EFL1: variants seen among roughly 807,000 people sequenced by gnomAD.
The protein encoded by EFL1 is elongation factor-like GTPase 1.
EFL1 carries 76 observed loss-of-function variants against 126.7 expected under a neutral mutation model. That is an observed-to-expected ratio of 0.60 (90% CI 0.50 to 0.73). The LOEUF is 0.73. Among genes scored for constraint, EFL1 ranks in the 30% least tolerant of loss-of-function variants. The pLI is 0.00. For synonymous variants in EFL1, 410 were observed against 448.4 expected (o/e 0.91, Z 1.08); for missense variants, 1,128 against 1,343.2 (o/e 0.84, Z 2.50).
chr15:82,173,221 G>T lies in EFL1; in HGVS notation c.1751-9237C>A, dbSNP rs1209260513. Among the ~76,000 whole-genome samples, 8 of 152,046 alleles carry T rather than the reference G, an allele frequency of 5.3e-5. No individual in the cohort carries two copies. In the East Asian group the frequency reaches 1.5e-3, roughly 29 times the overall value. ...AAAAAAATCTGTAAAACATAAAACA[G>T]TACAATAATAGCATGTTACAGAAGG... On this transcript the variant is annotated intron_variant, in intron 15 of 19. Transcript: ENST00000268206.
chr15:82,211,593 T>TAAACACACACAC, intron 15 of EFL1, among the ~76,000 whole-genome samples: 1 of 54,522 alleles, frequency 1.8e-5, no homozygotes, highest in African/African-American at 1.8e-4. Flanking sequence ...AGACACATAC[T>TAAACACACACAC]AGACACACAC....
At chr15:82,224,631 T>C (rs1193248281) in intron 12 of EFL1, among the ~76,000 whole-genome samples, 2 of 152,036 alleles carry the variant, frequency 1.3e-5, no homozygotes, top group Non-Finnish European at 2.9e-5. Flanking sequence ...CAAGAGATGA[T>C]CAGAATCTAA....
chr15:82,132,681 T>G (rs1355930724), intron 19 of EFL1, among the ~76,000 whole-genome samples: 14 of 43,012 alleles, frequency 3.3e-4, no homozygotes, highest in South Asian at 2.4e-3. Flanking sequence ...GTCCAGGAAT[T>G]GGGGGGGGGG....
chr15:82,219,736 A>C lies in EFL1; in HGVS notation c.1527T>G (p.Ala509=), dbSNP rs1196927945. ...ENNQESFIAF[A]RVFSGVARRG... Reference sequence around the variant, plus strand: ...TTCGAGCCACACCACTGAACACCCGAGCAAATGCAATAAAAGACTCTTGGT... The same window carrying C: ...TTCGAGCCACACCACTGAACACCCGCGCAAATGCAATAAAAGACTCTTGGT... The change falls in exon 14 of 20, where the codon GCT becomes GCG. Residue 509 remains alanine, a synonymous_variant. Coordinates refer to ENST00000268206, the MANE Select transcript of EFL1 (RefSeq NM_024580.6). 1 of 1,614,096 alleles carries C rather than the reference A, an allele frequency of 6.2e-7. No individual in the cohort carries two copies. Among genetic ancestry groups the C allele is most frequent in the South Asian group, 1.1e-5 (1 of 91,078 alleles).
chr15:82,155,138 C>T (rs185563098), intron 17 of EFL1, among the ~76,000 whole-genome samples: 5 of 152,148 alleles, frequency 3.3e-5, no homozygotes, highest in East Asian at 3.9e-4. Context: ...TGTATGAATA[C>T]GCCATTATTT....
rs72749596 is a variant in EFL1 at position 82,239,425 on chromosome 15, C to T, written c.517-904G>A. ...CGCTGGGATTACAGGTGTAAGCCAG[C>T]TCGCCCGGCCTACCTCTTCCTATTT... On this transcript the variant is annotated intron_variant, in intron 6 of 19. Coordinates refer to ENST00000268206, the MANE Select transcript of EFL1 (RefSeq NM_024580.6). Among the ~76,000 whole-genome samples, 1,050 of 152,308 alleles carry T rather than the reference C, an allele frequency of 6.9e-3. 9 individuals are homozygous for T. The highest frequency in any genetic ancestry group is 8.2e-3 in the Non-Finnish European group (556 of 68,030).
At chr15:82,157,298 A>G (rs2073978195) in intron 17 of EFL1, among the ~76,000 whole-genome samples, 1 of 152,252 alleles carries the variant, frequency 6.6e-6, no homozygotes. Context: ...TATAATACAT[A>G]TCATCTTTAT....
intron 15 of EFL1, among the ~76,000 whole-genome samples, chr15:82,169,604 A>C (rs755998398): frequency 6.6e-6 from 1 of 152,100 alleles, no homozygotes; most frequent in Non-Finnish European, 1.5e-5. Context: ...TTAGTTCTTT[A>C]TGTAATAAAC....
In EFL1 at chr15:82,163,893, G is replaced by A. The variant is rs2074048976; in HGVS notation, c.1842C>T (p.Ala614=). Residue 614 remains alanine, a synonymous_variant, in exon 16 of 20, where the codon GCC becomes GCT. Coordinates refer to ENST00000268206, the MANE Select transcript of EFL1 (RefSeq NM_024580.6). The part of the protein sequence containing the change: ...CPPFIPLNFE[A]TPIVRVAVEP... ...CAACAGCAACTCTCACAATAGGAGT[G>A]GCTTCGAAGTTGAGTGGTATAAATG... The A allele has an allele frequency of 1.2e-6, 2 of 1,614,032 alleles. No homozygotes were observed. The highest frequency in any genetic ancestry group is 8.5e-7 in the Non-Finnish European group (1 of 1,180,010).
chr15:82,244,589 C>T (rs1000643901), intron 4 of EFL1, among the ~76,000 whole-genome samples: 2 of 152,062 alleles, frequency 1.3e-5, no homozygotes, highest in South Asian at 4.1e-4. Context: ...AGTCAAGCAA[C>T]AATCCAATCT....
At chr15:82,218,027 C>T (rs1298267075) in intron 14 of EFL1, among the ~76,000 whole-genome samples, 1 of 152,156 alleles carries the variant, frequency 6.6e-6, no homozygotes, top group African/African-American at 2.4e-5. Flanking sequence ...TATCAACAAC[C>T]TTTAGTGAGC....
intron 3 of EFL1, among the ~76,000 whole-genome samples, chr15:82,253,044 C>CTT (rs112441286): frequency 1.4e-5 from 2 of 142,446 alleles, no homozygotes. Context: ...TATATAGAGC[C>CTT]TTTTTTTTTT....
chr15:82,236,687 G>T (rs1057487544), intron 7 of EFL1, among the ~76,000 whole-genome samples: 10 of 152,068 alleles, frequency 6.6e-5, no homozygotes, highest in African/African-American at 1.9e-4. Context: ...CTCAAAATGG[G>T]TCATGGATTA....
At chr15:82,240,385 G>A in intron 6 of EFL1, 33 bp downstream of exon 6, 1 of 1,541,792 alleles carries the variant, frequency 6.5e-7, no homozygotes, top group Non-Finnish European at 8.8e-7. Context: ...CTTCTTCGTG[G>A]CTAAATTTTT....
At position 82,174,022 on chromosome 15, in the gene EFL1, T is replaced by C. The variant is rs543141862; in HGVS notation, c.1751-10038A>G. Among the ~76,000 whole-genome samples, 14 of 152,218 alleles carry C rather than the reference T, an allele frequency of 9.2e-5. No individual in the cohort carries two copies. The South Asian group carries it at 2.9e-3, about 32-fold the overall frequency. ...GGCTAACATGGTGAAACCCTGCCTCTACTAAAAATACAAAAAATTAGCCGG... is the reference window on the plus strand; with the variant it reads ...GGCTAACATGGTGAAACCCTGCCTCCACTAAAAATACAAAAAATTAGCCGG... On this transcript the variant is annotated intron_variant, in intron 15 of 19. Coordinates refer to ENST00000268206, the MANE Select transcript of EFL1 (RefSeq NM_024580.6).
chr15:82,149,951 G>A (rs1328174101), intron 18 of EFL1, among the ~76,000 whole-genome samples: 1 of 152,088 alleles, frequency 6.6e-6, no homozygotes, highest in Non-Finnish European at 1.5e-5. Context: ...AGATTTGAGG[G>A]ATTAAGATTT....
chr15:82,214,230 T>C (rs983681377), intron 15 of EFL1, among the ~76,000 whole-genome samples: 16 of 152,172 alleles, frequency 1.1e-4, no homozygotes, highest in African/African-American at 3.9e-4. Context: ...AAACAAGTGA[T>C]AACATTAAGG....
chr15:82,152,900 A>G (rs1039980096), intron 17 of EFL1, among the ~76,000 whole-genome samples: 3 of 152,250 alleles, frequency 2.0e-5, no homozygotes, highest in African/African-American at 4.8e-5. Flanking sequence ...AATGAGGCTT[A>G]TAGCAAGGCT....
At chr15:82,185,980 C>G (rs866501761) in intron 15 of EFL1, among the ~76,000 whole-genome samples, 34 of 152,198 alleles carry the variant, frequency 2.2e-4, no homozygotes, top group Middle Eastern at 3.4e-3. Flanking sequence ...TTGTACTCAT[C>G]TTTTTAAATA....
Sources: allele counts gnomAD v4.1 joint callset (sites outside exome capture counted in the v4.1 genomes callset), GRCh38; gene constraint gnomAD v4.1.1; transcripts MANE v1.5; gene names NCBI Gene and HGNC (gene_info 2026-07-23, HGNC 2026-07-21).